DLGAP2: variants seen among roughly 807,000 people sequenced by gnomAD.
DLGAP2 encodes the protein disks large-associated protein 2.
In DLGAP2, 26 loss-of-function variants were observed where a neutral mutation model predicts 100.3. The ratio of observed to expected loss-of-function variants is 0.26; its 90% CI spans 0.19 to 0.36. DLGAP2 has a LOEUF of 0.36. DLGAP2 is among the 10% of genes least tolerant of loss of function. The pLI is 1.00. For synonymous variants in DLGAP2, 886 were observed against 630.1 expected (o/e 1.41, Z -6.08); for missense variants, 1,858 against 1,453.2 (o/e 1.28, Z -4.53).
chr8:1,306,074 CAAAAAAAA>C (rs61647224), intron 3 of DLGAP2, among the ~76,000 whole-genome samples: 2 of 116,456 alleles, frequency 1.7e-5, no homozygotes, highest in East Asian at 3.2e-4. Context: ...AGAAATTAGG[CAAAAAAAA>C]AAAAAAAAAA....
intron 3 of DLGAP2, among the ~76,000 whole-genome samples, chr8:1,391,165 A>G (rs1257026357): frequency 1.3e-5 from 2 of 152,216 alleles, no homozygotes; most frequent in Admixed American, 6.5e-5. Flanking sequence ...GGTTGGCTAG[A>G]TGGGAATTGG....
chr8:1,437,735 A>T (rs532528880), intron 3 of DLGAP2, among the ~76,000 whole-genome samples: 2 of 149,336 alleles, frequency 1.3e-5, no homozygotes, highest in South Asian at 4.3e-4. Context: ...TGGGAGGCGA[A>T]GGCAGGTGGA....
rs116809417 is a variant in DLGAP2 at position 1,325,174 on chromosome 8, G to C, written c.106+66291G>C. ...ACTTTCCCCCAGTCCCCCAGAGCTGGTGTAGCGGATGGTCTTCTCAGCGAG... is the reference window on the plus strand; with the variant it reads ...ACTTTCCCCCAGTCCCCCAGAGCTGCTGTAGCGGATGGTCTTCTCAGCGAG... On this transcript the variant is annotated intron_variant, in intron 3 of 14. Coordinates refer to ENST00000637795, the MANE Select transcript of DLGAP2 (RefSeq NM_001346810.2). Among the ~76,000 whole-genome samples, 228 of 152,294 alleles carry C rather than the reference G, an allele frequency of 1.5e-3. 1 individual carries two copies. The highest frequency in any genetic ancestry group is 5.0e-3 in the African/African-American group (207 of 41,572).
intron 2 of DLGAP2, chr8:1,018,825 T>C (rs1463733986): frequency 6.6e-6 from 1 of 152,242 alleles, no homozygotes; most frequent in Admixed American, 6.5e-5. Context: ...GTTAAAAAAC[T>C]GTTTGGCACC....
rs1250437328 is a variant in DLGAP2, at chr8:1,548,482, A to AT, written c.173-144_173-143insT. 62 of 549,770 alleles carry AT rather than the reference A, an allele frequency of 1.1e-4. No individual in the cohort carries two copies. The African/African-American group carries it at 1.2e-3, about 11-fold the overall frequency. 34.1% of individuals were successfully genotyped at this position (549,770 alleles called of 1,614,324 possible). On this transcript the variant is annotated intron_variant, in intron 4 of 14. Coordinates refer to ENST00000637795, the MANE Select transcript of DLGAP2 (RefSeq NM_001346810.2). ...AGAAAAAAAAAAAAAAAAAAAAAAA[A>AT]AACCCACAAATCTGCCCTCTCGAGT...
intron 1 of DLGAP2, chr8:821,995 T>C (rs1163090733): frequency 2.5e-6 from 1 of 396,598 alleles, no homozygotes; most frequent in Non-Finnish European, 4.4e-6. Flanking sequence ...TATTGCTTAG[T>C]CTCACTTTTT....
In DLGAP2 at chr8:1,703,788, T is replaced by TGTTA. The variant is rs1799635630; in HGVS notation, c.*2382_*2383insGTTA. 6.6e-6 allele frequency: 1 copy of TGTTA among 152,534 alleles called. No homozygotes were observed. Among genetic ancestry groups the TGTTA allele is most frequent in the Non-Finnish European group, 1.5e-5 (1 of 68,028 alleles). The allele number at this position is 152,534 out of a possible 1,614,324, so 9.4% of individuals were successfully genotyped here. A position where few individuals can be genotyped will look rare whatever the true frequency, so the allele number is the denominator to read the frequency against. Reference sequence around the variant, plus strand: ...TGATTTCTTATGTTTTGTAGACTCATTGTTATTTTTCAATCCCCAAAAGTC... The same window carrying TGTTA: ...TGATTTCTTATGTTTTGTAGACTCATGTTATGTTATTTTTCAATCCCCAAAAGTC... On this transcript the variant is annotated 3_prime_UTR_variant, in exon 15 of 15. Coordinates refer to ENST00000637795, the MANE Select transcript of DLGAP2 (RefSeq NM_001346810.2).
chr8:1,232,104 C>T (rs958585265), intron 2 of DLGAP2, among the ~76,000 whole-genome samples: 19 of 152,150 alleles, frequency 1.2e-4, no homozygotes, highest in African/African-American at 4.6e-4. Context: ...TGAAGAAGGG[C>T]CTGGGATGGT....
At chr8:1,211,848 C>T (rs1585156581) in intron 2 of DLGAP2, among the ~76,000 whole-genome samples, 1 of 152,296 alleles carries the variant, frequency 6.6e-6, no homozygotes, top group South Asian at 2.1e-4. Flanking sequence ...GCACTCCAGC[C>T]TGGATGACAG....
At chr8:1,581,059 C>T (rs1220270926) in intron 6 of DLGAP2, among the ~76,000 whole-genome samples, 1 of 143,362 alleles carries the variant, frequency 7.0e-6, no homozygotes, top group Non-Finnish European at 1.5e-5. Flanking sequence ...AGGATACAGA[C>T]AAAACCCCAC....
At chr8:1,442,890 G>A (rs1269703161) in intron 3 of DLGAP2, among the ~76,000 whole-genome samples, 3 of 152,268 alleles carry the variant, frequency 2.0e-5, no homozygotes, top group Non-Finnish European at 2.9e-5. Context: ...AGGATCCTGA[G>A]TCTAGCTATT....
chr8:817,290 G>A (rs1796500335), intron 1 of DLGAP2, among the ~76,000 whole-genome samples: 1 of 152,112 alleles, frequency 6.6e-6, no homozygotes, highest in Non-Finnish European at 1.5e-5. Context: ...ATTTCTCTAA[G>A]TTTGAACTTG....
At chr8:1,138,137 G>A (rs1011063657) in intron 2 of DLGAP2, among the ~76,000 whole-genome samples, 1 of 152,232 alleles carries the variant, frequency 6.6e-6, no homozygotes, top group Non-Finnish European at 1.5e-5. Flanking sequence ...GCGAGCCTGA[G>A]AATGGATTTG....
intron 3 of DLGAP2, among the ~76,000 whole-genome samples, chr8:1,426,691 G>C (rs1364382182): frequency 1.3e-5 from 2 of 152,154 alleles, no homozygotes; most frequent in Admixed American, 6.5e-5. Context: ...AAGGAGCAAG[G>C]ATTAGACCAA....
intron 2 of DLGAP2, among the ~76,000 whole-genome samples, chr8:1,183,487 A>G (rs1245650820): frequency 6.6e-6 from 1 of 152,240 alleles, no homozygotes; most frequent in Non-Finnish European, 1.5e-5. Flanking sequence ...TTTACTTGTC[A>G]GGAAGGGTTC....
chr8:987,144 C>G (rs573236453), intron 2 of DLGAP2, among the ~76,000 whole-genome samples: 8 of 152,286 alleles, frequency 5.3e-5, no homozygotes, highest in Non-Finnish European at 1.0e-4. Context: ...TCTCTCTGCT[C>G]TCCTTCCTAT....
At chr8:1,220,559 A>T (rs1012099975) in intron 2 of DLGAP2, among the ~76,000 whole-genome samples, 4 of 152,148 alleles carry the variant, frequency 2.6e-5, no homozygotes, top group African/African-American at 4.8e-5. Context: ...CCGTGTGGAG[A>T]TGAGACTATA....
intron 4 of DLGAP2, among the ~76,000 whole-genome samples, chr8:1,532,058 G>A (rs1452033355): frequency 6.6e-6 from 1 of 152,202 alleles, no homozygotes; most frequent in Admixed American, 6.5e-5. Flanking sequence ...ACACATGGTT[G>A]CATTCTTTTG....
intron 2 of DLGAP2, among the ~76,000 whole-genome samples, chr8:1,085,654 T>C (rs554220149): frequency 3.9e-5 from 6 of 152,364 alleles, no homozygotes; most frequent in Non-Finnish European, 8.8e-5. Flanking sequence ...TGTGTGATGC[T>C]TTTGTAATTA....
Sources: gnomAD v4.1 joint callset for allele counts (sites outside exome capture counted in the v4.1 genomes callset) on GRCh38, gnomAD v4.1.1 for gene constraint, MANE v1.5 for transcripts, NCBI Gene and HGNC (gene_info 2026-07-23, HGNC 2026-07-21) for gene names.